The following KIAA0319 variants were observed in gnomAD, a reference collection of about 807,000 sequenced individuals.
KIAA0319 encodes KIAA0319, also known as dyslexia-associated protein KIAA0319.
In KIAA0319, 83 loss-of-function variants were observed where a neutral mutation model predicts 108.4. That is an observed-to-expected ratio of 0.77 (90% confidence interval 0.64 to 0.92). The LOEUF (loss-of-function observed/expected upper bound fraction) is 0.92, where lower values mean the gene tolerates loss of function less well. Among genes scored for constraint, KIAA0319 ranks in the 40% least tolerant of loss-of-function variants. The pLI, the probability that KIAA0319 is intolerant of heterozygous loss-of-function variation, is 0.00. For synonymous variants in KIAA0319, 484 were observed against 510.4 expected (o/e 0.95, Z 0.70); for missense variants, 1,195 against 1,322.4 (o/e 0.90, Z 1.49).
At chr6:24,570,716 G>A in intron 11 of KIAA0319, among the ~76,000 whole-genome samples, 1 of 150,994 alleles carries the variant, frequency 6.6e-6, no homozygotes, top group East Asian at 2.0e-4. Context: ...GAGGGAGGGA[G>A]GGGACAAAGG....
At chr6:24,589,644 C>A (rs1216600436) in intron 3 of KIAA0319, among the ~76,000 whole-genome samples, 2 of 152,286 alleles carry the variant, frequency 1.3e-5, no homozygotes, top group Non-Finnish European at 2.9e-5. Flanking sequence ...TGAGGCCTCC[C>A]CAGCCATGTG....
intron 1 of KIAA0319, among the ~76,000 whole-genome samples, chr6:24,603,222 C>CTTCA (rs758453443): frequency 6.6e-6 from 1 of 152,160 alleles, no homozygotes; most frequent in Non-Finnish European, 1.5e-5. Context: ...TCAGTGTGAT[C>CTTCA]TTCACCACAA....
intron 1 of KIAA0319, among the ~76,000 whole-genome samples, chr6:24,623,589 T>C (rs1201793011): frequency 1.3e-5 from 2 of 152,168 alleles, no homozygotes; most frequent in East Asian, 3.8e-4. Context: ...AGCAGCATCA[T>C]ATTTCTCATA....
rs1300935270 is a variant in KIAA0319 at position 24,554,608 on chromosome 6, C to T, written c.2881G>A (p.Val961Met). 1.2e-6 allele frequency: 2 copies of T among 1,613,690 alleles called. No individual in the cohort carries two copies. Among genetic ancestry groups the T allele is most frequent in the East Asian group, 4.5e-5 (2 of 44,860 alleles). The change falls in exon 19 of 21, where the codon GTG (valine) becomes ATG (methionine). Residue 961 changes from valine to methionine, a missense_variant. Val to Met is a conservative substitution (Grantham distance 21, BLOSUM62 1). Coordinates refer to ENST00000378214, the MANE Select transcript of KIAA0319 (RefSeq NM_014809.4). ...AGCACAATAAGAGTAAAAGCCAACA[C>T]TGTCACATAGAATATACTCCACTCT... ...NCEWSIFYVT[V>M]LAFTLIVLTG...
intron 4 of KIAA0319, among the ~76,000 whole-genome samples, chr6:24,585,084 A>G (rs1246340955): frequency 6.6e-6 from 1 of 152,218 alleles, no homozygotes; most frequent in Admixed American, 6.5e-5. Context: ...ATATTCTAAT[A>G]ACTTCCTTAT....
Position 24,578,271 on chromosome 6 carries a change from T to A in KIAA0319, c.1373-29A>T, listed in dbSNP as rs73727992. ...CAAGATTAAGAAATAAAGACAAGAA[T>A]GAAATACAAGAAGAGGAAGACATAA... is the stretch of plus-strand genomic sequence containing the variant. On this transcript the variant is annotated intron_variant, in intron 8 of 20. Transcript: ENST00000378214. The A allele has an allele frequency of 1.5e-4, 232 of 1,507,660 alleles. No individual in the cohort carries two copies. In the African/African-American group the frequency reaches 3.1e-3, roughly 20 times the overall value. 93.4% of individuals were successfully genotyped at this position (1,507,660 alleles called of 1,614,324 possible).
At chr6:24,571,714 C>A (rs1764752666) in intron 11 of KIAA0319, among the ~76,000 whole-genome samples, 1 of 152,234 alleles carries the variant, frequency 6.6e-6, no homozygotes, top group Non-Finnish European at 1.5e-5. Flanking sequence ...CCCACGCATA[C>A]TGTTCCCTCT....
chr6:24,563,311 C>T (rs568554456), intron 16 of KIAA0319, 48 bp downstream of exon 16: 1 of 1,571,428 alleles, frequency 6.4e-7, no homozygotes, highest in South Asian at 1.2e-5. Context: ...GAGGTAAGAG[C>T]TGGAATTTTG....
At chr6:24,636,053 T>C (rs962932411) in intron 1 of KIAA0319, among the ~76,000 whole-genome samples, 44 of 152,206 alleles carry the variant, frequency 2.9e-4, no homozygotes, top group Admixed American at 7.2e-4. Context: ...GGAAGAAAGA[T>C]TGCCAAGATA....
chr6:24,603,854 G>C (rs1323601092), intron 1 of KIAA0319, among the ~76,000 whole-genome samples: 1 of 152,160 alleles, frequency 6.6e-6, no homozygotes, highest in Non-Finnish European at 1.5e-5. Flanking sequence ...CTCAAATCAC[G>C]AGAGTGCCGC....
intron 3 of KIAA0319, among the ~76,000 whole-genome samples, chr6:24,589,792 T>C (rs1375368685): frequency 6.6e-6 from 1 of 152,228 alleles, no homozygotes; most frequent in African/African-American, 2.4e-5. Context: ...AAAGCAACAA[T>C]TGAAGACAAT....
intron 3 of KIAA0319, 84 bp from the exon 4 acceptor site, chr6:24,588,869 T>A: frequency 8.9e-7 from 1 of 1,119,616 alleles, no homozygotes; most frequent in East Asian, 2.4e-5. Flanking sequence ...CCAACCTTTT[T>A]CATAAATTAG....
At chr6:24,584,909 C>A (rs1422787770) in intron 4 of KIAA0319, among the ~76,000 whole-genome samples, 2 of 152,174 alleles carry the variant, frequency 1.3e-5, no homozygotes, top group East Asian at 1.9e-4. Context: ...CTGGGCCAAA[C>A]TCCCAGGCCA....
rs188912897 is a variant in KIAA0319 at position 24,552,498 on chromosome 6, C to T, written c.2949-973G>A. On this transcript the variant is annotated intron_variant, in intron 19 of 20. Coordinates refer to ENST00000378214, the MANE Select transcript of KIAA0319 (RefSeq NM_014809.4). ...CTGGGAAAACTTAACGGGATTTAGG[C>T]CTCTAAGTGCCTGCACCTGGCTCCC... is the stretch of plus-strand genomic sequence containing the variant. 1.2e-3 allele frequency among the ~76,000 whole-genome samples: 182 copies of T among 152,272 alleles called. 1 individual carries two copies. The highest frequency in any genetic ancestry group is 4.1e-3 in the African/African-American group (170 of 41,544).
At chr6:24,610,673 C>T (rs1294714140) in intron 1 of KIAA0319, among the ~76,000 whole-genome samples, 1 of 152,114 alleles carries the variant, frequency 6.6e-6, no homozygotes, top group Non-Finnish European at 1.5e-5. Context: ...GTAATCCCAG[C>T]ACTTTGGGAG....
At chr6:24,563,012 T>C (rs543936017) in intron 16 of KIAA0319, among the ~76,000 whole-genome samples, 1 of 152,270 alleles carries the variant, frequency 6.6e-6, no homozygotes, top group East Asian at 1.9e-4. Context: ...CCCATGAACG[T>C]GGGGCAGGGA....
chr6:24,566,852 C>T (rs1763968558), intron 13 of KIAA0319, 104 bp from the exon 14 acceptor site: 5 of 1,070,936 alleles, frequency 4.7e-6, no homozygotes, highest in South Asian at 3.7e-5. Flanking sequence ...CTTGCAGATA[C>T]AGTATGTAGA....
chr6:24,558,665 A>G (rs1206706901), intron 17 of KIAA0319, among the ~76,000 whole-genome samples: 10 of 152,246 alleles, frequency 6.6e-5, no homozygotes, highest in African/African-American at 2.4e-4. Context: ...TGACATTATC[A>G]TCACAACCTA....
intron 2 of KIAA0319, chr6:24,598,483 G>A: frequency 2.0e-6 from 1 of 492,360 alleles, no homozygotes; most frequent in Non-Finnish European, 3.9e-6. Context: ...GCAGCAGCTG[G>A]ACATGCTGGG....
Sources: gnomAD v4.1 joint callset for allele counts (sites outside exome capture counted in the v4.1 genomes callset) on GRCh38, gnomAD v4.1.1 for gene constraint, MANE v1.5 for transcripts, NCBI Gene and HGNC (gene_info 2026-07-23, HGNC 2026-07-21) for gene names.